The following ANKS1B variants were observed in gnomAD, a reference collection of about 807,000 sequenced individuals.
ANKS1B encodes ankyrin repeat and sterile alpha motif domain containing 1B, also known as ankyrin repeat and sterile alpha motif domain-containing protein 1B.
In ANKS1B, 36 loss-of-function variants were observed where a neutral mutation model predicts 148.3. That is an observed-to-expected ratio of 0.24 (90% CI 0.19 to 0.32). The LOEUF is 0.32. ANKS1B is among the 10% of genes least tolerant of loss of function. The pLI is 1.00. For synonymous variants in ANKS1B, 542 were observed against 560.8 expected (o/e 0.97, Z 0.47); for missense variants, 1,157 against 1,542.6 (o/e 0.75, Z 4.19).
At chr12:99,873,061 G>T (rs892984619) in intron 1 of ANKS1B, among the ~76,000 whole-genome samples, 2 of 152,222 alleles carry the variant, frequency 1.3e-5, no homozygotes, top group African/African-American at 4.8e-5. Context: ...CTGGAGAATG[G>T]GGATGATGTG....
At chr12:99,294,810 C>T (rs181961978) in intron 12 of ANKS1B, among the ~76,000 whole-genome samples, 39 of 152,220 alleles carry the variant, frequency 2.6e-4, no homozygotes, top group African/African-American at 8.7e-4. Context: ...TGTGCCACCA[C>T]GCCCGGCTAA....
intron 1 of ANKS1B, among the ~76,000 whole-genome samples, chr12:99,885,813 G>A (rs912213246): frequency 4.6e-5 from 7 of 151,972 alleles, no homozygotes; most frequent in Admixed American, 2.0e-4. Context: ...GCCTTTGCAC[G>A]CCCATAGCTT....
At chr12:99,815,896 C>T (rs2069057399) in intron 2 of ANKS1B, among the ~76,000 whole-genome samples, 1 of 151,636 alleles carries the variant, frequency 6.6e-6, no homozygotes, top group Non-Finnish European at 1.5e-5. Flanking sequence ...CTCATTGGCA[C>T]TTAGGTTGGT....
chr12:98,885,936 T>G (rs2099738933), intron 17 of ANKS1B, among the ~76,000 whole-genome samples: 1 of 151,858 alleles, frequency 6.6e-6, no homozygotes, highest in South Asian at 2.1e-4. Context: ...TGGGGAAAGC[T>G]GCCCAGGCAC....
At chr12:99,979,879 C>T (rs2153858327) in intron 1 of ANKS1B, among the ~76,000 whole-genome samples, 1 of 152,040 alleles carries the variant, frequency 6.6e-6, no homozygotes, top group South Asian at 2.1e-4. Context: ...TAAATTTATA[C>T]TAAGTTGAAG....
chr12:99,104,146 T>G (rs781445024), intron 15 of ANKS1B, among the ~76,000 whole-genome samples: 6 of 152,152 alleles, frequency 3.9e-5, no homozygotes, highest in Non-Finnish European at 8.8e-5. Flanking sequence ...TTGAAAAGAA[T>G]GAGATTGAGG....
chr12:99,906,216 A>G (rs2093776074), intron 1 of ANKS1B, among the ~76,000 whole-genome samples: 1 of 152,220 alleles, frequency 6.6e-6, no homozygotes, highest in South Asian at 2.1e-4. Flanking sequence ...GTCAACCTAG[A>G]CAGCCAGCAA....
chr12:99,951,687 C>T (rs2095224949), intron 1 of ANKS1B, among the ~76,000 whole-genome samples: 2 of 149,366 alleles, frequency 1.3e-5, no homozygotes, highest in South Asian at 4.3e-4. Flanking sequence ...TCAGCCTTGG[C>T]AACATAGCAA....
chr12:99,103,680 A>G (rs868728607), intron 15 of ANKS1B, among the ~76,000 whole-genome samples: 4 of 152,124 alleles, frequency 2.6e-5, no homozygotes, highest in African/African-American at 7.2e-5. Context: ...ACTCATTTTT[A>G]TATCATTCCT....
chr12:99,058,298 C>G (rs920972217), intron 16 of ANKS1B, among the ~76,000 whole-genome samples: 2 of 148,606 alleles, frequency 1.3e-5, no homozygotes, highest in Non-Finnish European at 3.0e-5. Flanking sequence ...GGCTGGAATG[C>G]AGTGGTGCAA....
At chr12:99,732,650 A>G (rs1375987617) in intron 8 of ANKS1B, among the ~76,000 whole-genome samples, 3 of 152,210 alleles carry the variant, frequency 2.0e-5, no homozygotes, top group Admixed American at 6.6e-5. Flanking sequence ...AATATTTTAT[A>G]TCTTTATTAT....
At chr12:99,333,078 G>A (rs2087913717) in intron 12 of ANKS1B, among the ~76,000 whole-genome samples, 1 of 152,036 alleles carries the variant, frequency 6.6e-6, no homozygotes, top group Non-Finnish European at 1.5e-5. Context: ...AGGATGTTTG[G>A]GGAATGGTGA....
At chr12:98,866,882 T>A (rs1330831753) in intron 17 of ANKS1B, among the ~76,000 whole-genome samples, 2 of 152,182 alleles carry the variant, frequency 1.3e-5, no homozygotes, top group Non-Finnish European at 2.9e-5. Flanking sequence ...TCTCTTTATT[T>A]TTTGGGCTCC....
At chr12:99,774,361 G>T (rs1001313668) in intron 7 of ANKS1B, among the ~76,000 whole-genome samples, 2 of 151,992 alleles carry the variant, frequency 1.3e-5, no homozygotes, top group African/African-American at 4.8e-5. Context: ...GCACATAAAT[G>T]ACCCAAGGTA....
intron 1 of ANKS1B, among the ~76,000 whole-genome samples, chr12:99,932,672 A>G (rs1174462713): frequency 6.6e-6 from 1 of 152,154 alleles, no homozygotes; most frequent in Non-Finnish European, 1.5e-5. Flanking sequence ...TATTCTGGTT[A>G]TTAATCCCTT....
At chr12:99,637,356 C>T (rs1445564896) in intron 9 of ANKS1B, among the ~76,000 whole-genome samples, 2 of 151,988 alleles carry the variant, frequency 1.3e-5, no homozygotes, top group Admixed American at 6.6e-5. Context: ...TGGCTGTGTC[C>T]CCACCCAAAT....
chr12:99,534,145 T>G (rs916543488), intron 9 of ANKS1B, among the ~76,000 whole-genome samples: 10 of 152,210 alleles, frequency 6.6e-5, no homozygotes, highest in Non-Finnish European at 1.2e-4. Flanking sequence ...AATATCATTG[T>G]TTAAAATACT....
At chr12:99,297,827 A>G (rs1223969963) in intron 12 of ANKS1B, among the ~76,000 whole-genome samples, 2 of 152,162 alleles carry the variant, frequency 1.3e-5, no homozygotes, top group African/African-American at 4.8e-5. Flanking sequence ...GCAACATGGT[A>G]ATCATGTTTA....
In ANKS1B at chr12:98,769,165, C is replaced by CTTT. The variant is rs1182264550; in HGVS notation, c.3579+3874_3579+3876dup. 5.9e-3 allele frequency among the ~76,000 whole-genome samples: 244 copies of CTTT among 41,206 alleles called. 38 individuals carry two copies. Among genetic ancestry groups the CTTT allele is most frequent in the African/African-American group, 0.017 (207 of 12,254 alleles). The allele number at this position is 41,206 out of a possible 152,430, so 27.0% of individuals were successfully genotyped here. A position where few individuals can be genotyped will look rare whatever the true frequency, so the allele number is the denominator to read the frequency against. On this transcript the variant is annotated intron_variant, in intron 25 of 26. Transcript: ENST00000683438. ...TTGAGGTATTATAGGGTCTTCTTTA[C>CTTT]TTTTTTTTTTTTTTTTTTTTTTTTT... is the stretch of plus-strand genomic sequence containing the variant.
Sources: allele counts gnomAD v4.1 joint callset (sites outside exome capture counted in the v4.1 genomes callset), GRCh38; gene constraint gnomAD v4.1.1; transcripts MANE v1.5; gene names NCBI Gene and HGNC (gene_info 2026-07-23, HGNC 2026-07-21).